CFAP43: variants seen among roughly 807,000 people sequenced by gnomAD.
CFAP43 encodes the protein cilia and flagella associated protein 43, also known as cilia- and flagella-associated protein 43.
A neutral mutation model predicts 218.9 loss-of-function variants in CFAP43; 155 were observed. That is an observed-to-expected ratio of 0.71 (90% CI 0.62 to 0.81). CFAP43 has a LOEUF of 0.81. Among genes scored for constraint, CFAP43 ranks in the 30% least tolerant of loss-of-function variants. CFAP43 has a pLI of 0.00. For missense variants in CFAP43, 1,778 were observed against 1,954.3 expected, an observed-to-expected ratio of 0.91 and a Z score of 1.70; for synonymous variants, 645 against 681.3, an observed-to-expected ratio of 0.95 and a Z score of 0.83.
At position 104,193,849 on chromosome 10, in the gene CFAP43, A is replaced by G; in HGVS notation, c.1442+17T>C. ...GGGTGTGACACGGAGCCGCTCCTGG[A>G]GGCAGAAAGGACTTACACGACGTGC... On this transcript the variant is annotated intron_variant, in intron 11 of 37. Transcript: ENST00000357060. 1 of 1,611,616 alleles carries G rather than the reference A, an allele frequency of 6.2e-7. No individual in the cohort carries two copies. Among genetic ancestry groups the G allele is most frequent in the Non-Finnish European group, 8.5e-7 (1 of 1,178,460 alleles).
chr10:104,205,858 T>A (rs2090671990), intron 7 of CFAP43, 105 bp downstream of exon 7: 2 of 908,028 alleles, frequency 2.2e-6, no homozygotes, highest in Admixed American at 5.3e-5. Flanking sequence ...ATTAATAATG[T>A]GACAGATCTG....
intron 3 of CFAP43, among the ~76,000 whole-genome samples, chr10:104,220,809 A>G (rs943084219): frequency 1.3e-5 from 2 of 152,232 alleles, no homozygotes; most frequent in Admixed American, 6.5e-5. Flanking sequence ...GAACATGTTC[A>G]ATGCTATGAT....
rs1462134471 is a variant in CFAP43, at chr10:104,133,660, C to G, written c.4556G>C (p.Trp1519Ser). The G allele has an allele frequency of 6.2e-7, 1 of 1,613,348 alleles. No individual in the cohort carries two copies. The highest frequency in any genetic ancestry group is 8.5e-7 in the Non-Finnish European group (1 of 1,179,714). Residue 1519 changes from tryptophan (W) to serine (S), a missense_variant, in exon 35 of 38, where the codon TGG (tryptophan) becomes TCG (serine). By Grantham distance (177) the Trp-to-Ser change is radical. This residue lies in a region of CFAP43 where 211 missense variants were observed against 230.6 expected (regional missense o/e 0.91). Coordinates refer to ENST00000357060, the MANE Select transcript of CFAP43 (RefSeq NM_025145.7). ...MEREDLNQKA[W>S]DIQMLFFSRD... The stretch of plus-strand genomic sequence containing the variant: ...TGAAAAAAATAGCATCTGAATATCC[C>G]AAGCCTTCTGATTTAGATCTTCCCT...
At chr10:104,144,923 C>CT (rs2087886904) in intron 31 of CFAP43, among the ~76,000 whole-genome samples, 1 of 152,240 alleles carries the variant, frequency 6.6e-6, no homozygotes, top group Admixed American at 6.5e-5. Flanking sequence ...ATGAGATACT[C>CT]TGAGGAAAAG....
At chr10:104,207,900 C>T (rs765497614) in intron 5 of CFAP43, 76 bp from the exon 6 acceptor site, 2 of 1,461,840 alleles carry the variant, frequency 1.4e-6, no homozygotes, top group African/African-American at 1.4e-5. Context: ...ACCAGAACAA[C>T]TGACAAAAAG....
chr10:104,148,316 G>T (rs1459722952), intron 28 of CFAP43, among the ~76,000 whole-genome samples: 1 of 152,142 alleles, frequency 6.6e-6, no homozygotes, highest in Non-Finnish European at 1.5e-5. Flanking sequence ...GACTGCAGTT[G>T]CTTCTTCCAG....
intron 34 of CFAP43, among the ~76,000 whole-genome samples, chr10:104,139,361 A>G (rs1012178843): frequency 6.6e-6 from 1 of 152,228 alleles, no homozygotes; most frequent in Non-Finnish European, 1.5e-5. Context: ...ATCAAATCAC[A>G]GATTGAGGAA....
chr10:104,134,680 A>C (rs539087902), intron 34 of CFAP43, among the ~76,000 whole-genome samples: 1 of 152,248 alleles, frequency 6.6e-6, no homozygotes, highest in South Asian at 2.1e-4. Flanking sequence ...AACCAATTCA[A>C]AAAGTAATAG....
At chr10:104,152,458 G>T in intron 28 of CFAP43, 149 bp downstream of exon 28, 1 of 1,045,510 alleles carries the variant, frequency 9.6e-7, no homozygotes, top group Non-Finnish European at 1.4e-6. Context: ...AGGTAAAGGG[G>T]AAGGTGCACA....
intron 5 of CFAP43, among the ~76,000 whole-genome samples, chr10:104,209,082 C>G (rs867253894): frequency 1.3e-5 from 2 of 152,080 alleles, no homozygotes; most frequent in East Asian, 3.9e-4. Context: ...TTATACAGAT[C>G]GAGTCATTAT....
intron 5 of CFAP43, among the ~76,000 whole-genome samples, chr10:104,210,494 G>A (rs1363645150): frequency 6.6e-6 from 1 of 152,180 alleles, no homozygotes; most frequent in Non-Finnish European, 1.5e-5. Flanking sequence ...AGCCTCCCGA[G>A]TAGCTGGGAT....
intron 5 of CFAP43, among the ~76,000 whole-genome samples, chr10:104,211,782 C>T (rs1437260839): frequency 6.6e-6 from 1 of 152,206 alleles, no homozygotes; most frequent in Non-Finnish European, 1.5e-5. Context: ...GGAAATCACA[C>T]CTGGGCCCCC....
intron 11 of CFAP43, 101 bp from the exon 12 acceptor site, chr10:104,192,403 AT>A: frequency 1.1e-6 from 1 of 880,538 alleles, no homozygotes; most frequent in Non-Finnish European, 1.8e-6. Context: ...AAAGCCAGTC[AT>A]TTTTACGGTT....
intron 29 of CFAP43, 102 bp from the exon 30 acceptor site, chr10:104,146,451 G>T (rs1462524461): frequency 6.2e-6 from 5 of 810,394 alleles, no homozygotes; most frequent in Non-Finnish European, 1.0e-5. Flanking sequence ...TAGTACAAGA[G>T]AAATATGTCT....
chr10:104,228,822 G>A (rs1477457553), intron 2 of CFAP43, among the ~76,000 whole-genome samples: 2 of 151,958 alleles, frequency 1.3e-5, no homozygotes, highest in African/African-American at 4.8e-5. Flanking sequence ...GCAGACTATC[G>A]CATTATCCAT....
rs183007046 is a variant in CFAP43, at chr10:104,185,991, G to A, written c.1993C>T (p.Arg665Ter). The A allele has an allele frequency of 1.2e-5, 19 of 1,610,996 alleles. No individual in the cohort carries two copies. The highest frequency in any genetic ancestry group is 1.2e-4 in the Admixed American group (7 of 59,366). The change falls in exon 15 of 38, where the codon CGA becomes TGA. Residue 665 changes from arginine (R) to a stop codon, truncating the protein, a stop_gained. Transcript: ENST00000357060. LOFTEE classifies it high-confidence loss of function. ...CAGCTTACCAAAGTATAAACGTCTC[G>A]GATACACAGAATTCCACATTTAGCT... is the stretch of plus-strand genomic sequence containing the variant. ...TIAKCGILCIRDVYTLETFAW... is the reference protein window; with the variant it reads ...TIAKCGILCI
intron 31 of CFAP43, among the ~76,000 whole-genome samples, chr10:104,144,421 T>C (rs1040545687): frequency 6.6e-6 from 1 of 152,112 alleles, no homozygotes; most frequent in Non-Finnish European, 1.5e-5. Context: ...GAGGTTGAGA[T>C]GGGTGGATCA....
At chr10:104,196,986 G>T in intron 9 of CFAP43, 53 bp from the exon 10 acceptor site, 1 of 1,447,068 alleles carries the variant, frequency 6.9e-7, no homozygotes. Context: ...CTTTCCTATG[G>T]AAGCATGTTC....
chr10:104,210,783 C>CTTTTTTTTT lies in CFAP43; in HGVS notation c.735+1215_735+1223dup, dbSNP rs68153454. On this transcript the variant is annotated intron_variant, in intron 5 of 37. Transcript: ENST00000357060. The stretch of plus-strand genomic sequence containing the variant: ...TGCAGGTCCTTCCACGTGAAACACT[C>CTTTTTTTTT]TTTTTTTTTTTTTTTTTTTTTTTTT... Among the ~76,000 whole-genome samples the CTTTTTTTTT allele has an allele frequency of 6.9e-4, 52 of 75,452 alleles. 3 individuals are homozygous for CTTTTTTTTT. Among genetic ancestry groups the CTTTTTTTTT allele is most frequent in the East Asian group, 1.2e-3 (3 of 2,504 alleles). The allele number at this position is 75,452 out of a possible 152,430, so 49.5% of individuals were successfully genotyped here.
Sources: gnomAD v4.1 joint callset for allele counts (sites outside exome capture counted in the v4.1 genomes callset) on GRCh38, gnomAD v4.1.1 for gene constraint, gnomAD v4.1.1 regional missense constraint, MANE v1.5 for transcripts, NCBI Gene and HGNC (gene_info 2026-07-23, HGNC 2026-07-21) for gene names.